MICU1: variants seen among roughly 807,000 people sequenced by gnomAD.
MICU1 encodes mitochondrial calcium uptake 1, also known as calcium uptake protein 1, mitochondrial.
In MICU1, 45 loss-of-function variants were observed where a neutral mutation model predicts 56.8. The ratio of observed to expected loss-of-function variants is 0.79; its 90% CI spans 0.62 to 1.02. MICU1 has a LOEUF of 1.02. MICU1 is among the 50% of genes least tolerant of loss of function. The pLI, the probability that MICU1 is intolerant of heterozygous loss-of-function variation, is 0.00. For missense variants in MICU1, 504 were observed against 587.1 expected (o/e 0.86, Z 1.46); for synonymous variants, 186 against 195.1 (o/e 0.95, Z 0.39).
rs57929386 is a variant in MICU1 at position 72,546,868 on chromosome 10, G to A, written c.493+4311C>T. 5.7e-3 allele frequency among the ~76,000 whole-genome samples: 868 copies of A among 151,706 alleles called. 8 individuals carry two copies. Among genetic ancestry groups the A allele is most frequent in the African/African-American group, 0.02 (831 of 41,348 alleles). ...AGCCTCCCAAGTAGCTGAGACTACAGGCACAAGCCACCACGCTCGTCTAAT... is the reference window on the plus strand; with the variant it reads ...AGCCTCCCAAGTAGCTGAGACTACAAGCACAAGCCACCACGCTCGTCTAAT... On this transcript the variant is annotated intron_variant, in intron 4 of 11. Transcript: ENST00000361114.
chr10:72,384,512 AC>A (rs1307834518), intron 10 of MICU1, among the ~76,000 whole-genome samples: 1 of 151,918 alleles, frequency 6.6e-6, no homozygotes, highest in South Asian at 2.1e-4. Flanking sequence ...AGTTTATCCT[AC>A]CCCCATCTCT....
intron 11 of MICU1, 120 bp downstream of exon 11, chr10:72,375,663 T>C: frequency 2.4e-6 from 2 of 847,172 alleles, no homozygotes; most frequent in Non-Finnish European, 1.8e-6. Context: ...GTGAGAAAGG[T>C]GGGTAGCTTG....
chr10:72,548,645 T>C (rs1839954725), intron 4 of MICU1, among the ~76,000 whole-genome samples: 2 of 152,242 alleles, frequency 1.3e-5, no homozygotes, highest in South Asian at 4.1e-4. Flanking sequence ...GGGTTGATTA[T>C]ATTTTCTACT....
At chr10:72,383,458 G>T (rs903564801) in intron 10 of MICU1, among the ~76,000 whole-genome samples, 4 of 152,072 alleles carry the variant, frequency 2.6e-5, no homozygotes, top group African/African-American at 9.7e-5. Context: ...CCCACAAAAT[G>T]GTGGTGTACT....
rs532013636 is a variant in MICU1, at chr10:72,497,431, C to T, written c.652+10724G>A. On this transcript the variant is annotated intron_variant, in intron 6 of 11. Transcript: ENST00000361114. ...ATGATAAGACGTAAGCATAATCAAACACTATTAAGCCGAGGGTTTAAATGA... is the reference window on the plus strand; with the variant it reads ...ATGATAAGACGTAAGCATAATCAAATACTATTAAGCCGAGGGTTTAAATGA... Among the ~76,000 whole-genome samples the T allele has an allele frequency of 3.3e-5, 5 of 152,232 alleles. No homozygotes were observed. In the East Asian group the frequency reaches 9.6e-4, roughly 29 times the overall value.
chr10:72,533,166 A>G, intron 5 of MICU1: 1 of 1,287,872 alleles, frequency 7.8e-7, no homozygotes, highest in Non-Finnish European at 1.0e-6. Flanking sequence ...ATCTGGCCTG[A>G]AAGGAAAAAA....
At chr10:72,589,932 T>G (rs939631083) in intron 1 of MICU1, among the ~76,000 whole-genome samples, 2 of 152,152 alleles carry the variant, frequency 1.3e-5, no homozygotes, top group Non-Finnish European at 2.9e-5. Flanking sequence ...ACACTGTATT[T>G]GGGTTTCAGG....
At chr10:72,548,560 GAAGT>G (rs1799618204) in intron 4 of MICU1, among the ~76,000 whole-genome samples, 1 of 152,214 alleles carries the variant, frequency 6.6e-6, no homozygotes, top group Admixed American at 6.5e-5. Context: ...GTGAGGAAAG[GAAGT>G]AAGAGAGGTT....
chr10:72,533,075 T>C, intron 5 of MICU1: 2 of 1,289,890 alleles, frequency 1.6e-6, no homozygotes, highest in Non-Finnish European at 1.0e-6. Context: ...CTTTCTTCTT[T>C]CTGAAGTGCT....
chr10:72,411,253 C>T (rs997349270), intron 9 of MICU1, among the ~76,000 whole-genome samples: 2 of 151,826 alleles, frequency 1.3e-5, no homozygotes, highest in African/African-American at 2.4e-5. Context: ...GGAAGGTGAA[C>T]GGGTTCTGGA....
At chr10:72,515,742 GA>G (rs1450839207) in intron 5 of MICU1, among the ~76,000 whole-genome samples, 2 of 152,036 alleles carry the variant, frequency 1.3e-5, no homozygotes, top group Non-Finnish European at 2.9e-5. Flanking sequence ...CTTTTTTAAG[GA>G]AAATCTACAT....
intron 5 of MICU1, among the ~76,000 whole-genome samples, chr10:72,515,370 G>A (rs922549756): frequency 3.3e-5 from 5 of 152,100 alleles, no homozygotes; most frequent in African/African-American, 7.2e-5. Flanking sequence ...GGAGTTCCCC[G>A]CTGTGTCATT....
intron 6 of MICU1, among the ~76,000 whole-genome samples, chr10:72,505,209 C>T (rs1454786669): frequency 5.3e-5 from 8 of 151,980 alleles, no homozygotes; most frequent in African/African-American, 1.9e-4. Context: ...GAACTCCTGA[C>T]CTCAAGTGAT....
At chr10:72,499,668 T>C (rs1295078535) in intron 6 of MICU1, among the ~76,000 whole-genome samples, 1 of 152,220 alleles carries the variant, frequency 6.6e-6, no homozygotes, top group Non-Finnish European at 1.5e-5. Context: ...AACCAAATTT[T>C]CTGTGTAACT....
rs377545284 is a variant in MICU1 at position 72,382,835 on chromosome 10, G to A, written c.1181-6963C>T. On this transcript the variant is annotated intron_variant, in intron 10 of 11. Coordinates refer to ENST00000361114, the MANE Select transcript of MICU1 (RefSeq NM_001195518.2). The stretch of plus-strand genomic sequence containing the variant: ...GAGGCAAGGGAATCACTTGAACCCG[G>A]GAGGCGGAGGCTGCAGTGAGCCAAG... Among the ~76,000 whole-genome samples, 16 of 152,350 alleles carry A rather than the reference G, an allele frequency of 1.1e-4. No individual in the cohort carries two copies. The East Asian group carries it at 2.3e-3, about 22-fold the overall frequency.
At chr10:72,531,972 C>T (rs1185983949) in intron 5 of MICU1, among the ~76,000 whole-genome samples, 1 of 148,054 alleles carries the variant, frequency 6.8e-6, no homozygotes, top group African/African-American at 2.5e-5. Flanking sequence ...ACAATCTTGG[C>T]TCACTGCAAC....
intron 1 of MICU1, among the ~76,000 whole-genome samples, chr10:72,607,272 C>T (rs1000503915): frequency 6.7e-6 from 1 of 149,944 alleles, no homozygotes; most frequent in African/African-American, 2.5e-5. Context: ...ACCCGGTAGG[C>T]GGAGGTTGGA....
At chr10:72,544,855 CAT>C (rs1167625894) in intron 4 of MICU1, among the ~76,000 whole-genome samples, 5 of 152,174 alleles carry the variant, frequency 3.3e-5, no homozygotes, top group Non-Finnish European at 7.4e-5. Context: ...AATTCTTATT[CAT>C]CTTGCACTCT....
At chr10:72,528,845 T>G (rs77327915) in intron 5 of MICU1, 3 of 163,864 alleles carry the variant, frequency 1.8e-5, no homozygotes, top group Admixed American at 6.3e-5. Flanking sequence ...GGAAAAAATG[T>G]GTTCATATTC....
Sources: allele counts gnomAD v4.1 joint callset (sites outside exome capture counted in the v4.1 genomes callset), GRCh38; gene constraint gnomAD v4.1.1; transcripts MANE v1.5; gene names NCBI Gene and HGNC (gene_info 2026-07-23, HGNC 2026-07-21).